The following POLB variants were observed in gnomAD, a reference collection of about 807,000 sequenced individuals.
POLB encodes 5'-dRP lyase.
A neutral mutation model predicts 52.7 loss-of-function variants in POLB; 37 were observed. The ratio of observed to expected loss-of-function variants is 0.70; its 90% confidence interval spans 0.54 to 0.92. The LOEUF (loss-of-function observed/expected upper bound fraction) is 0.92, where lower values mean the gene tolerates loss of function less well. Among genes scored for constraint, POLB ranks in the 40% least tolerant of loss-of-function variants. The pLI, the probability that POLB is intolerant of heterozygous loss-of-function variation, is 0.00. For synonymous variants in POLB, 138 were observed against 131.3 expected, an observed-to-expected ratio of 1.05 and a Z score of -0.35; for missense variants, 313 against 400.8, an observed-to-expected ratio of 0.78 and a Z score of 1.87.
At chr8:42,345,093 T>C in intron 3 of POLB, 74 bp downstream of exon 3, 1 of 922,958 alleles carries the variant, frequency 1.1e-6, no homozygotes, top group South Asian at 1.4e-5. Context: ...AAACCAAACT[T>C]GCCTGTCTGA....
At chr8:42,339,296 C>T (rs566440194) in intron 2 of POLB, 1 of 534,080 alleles carries the variant, frequency 1.9e-6, no homozygotes, top group South Asian at 2.4e-5. Context: ...TAGCCTGATA[C>T]GTATTTTGTC....
chr8:42,354,174 G>A (rs896292706), intron 6 of POLB, among the ~76,000 whole-genome samples: 1 of 152,194 alleles, frequency 6.6e-6, no homozygotes. Context: ...GAATACAACT[G>A]TTGATATCTA....
intron 6 of POLB, among the ~76,000 whole-genome samples, chr8:42,352,845 C>T (rs1358120922): frequency 2.0e-5 from 3 of 152,028 alleles, no homozygotes; most frequent in Non-Finnish European, 2.9e-5. Flanking sequence ...CTTTGGGAGG[C>T]GGGTGGATCA....
At chr8:42,355,123 C>G (rs894920521) in intron 6 of POLB, among the ~76,000 whole-genome samples, 1 of 151,836 alleles carries the variant, frequency 6.6e-6, no homozygotes, top group African/African-American at 2.4e-5. Context: ...ACTGCAGCTT[C>G]CACCTCCCAG....
At chr8:42,349,933 G>A in intron 4 of POLB, 74 bp from the exon 5 acceptor site, 1 of 999,438 alleles carries the variant, frequency 1.0e-6, no homozygotes, top group African/African-American at 1.6e-5. Flanking sequence ...TAGCAGACTG[G>A]TATGTTTCCA....
intron 4 of POLB, 144 bp downstream of exon 4, chr8:42,349,234 T>C: frequency 1.9e-6 from 1 of 537,746 alleles, no homozygotes; most frequent in Non-Finnish European, 3.4e-6. Context: ...CTTTAACTTT[T>C]TGAATGTTAT....
chr8:42,352,881 T>C (rs1001225385), intron 6 of POLB, among the ~76,000 whole-genome samples: 1 of 151,812 alleles, frequency 6.6e-6, no homozygotes, highest in African/African-American at 2.4e-5. Flanking sequence ...TCGAGACCAG[T>C]CTGGCCAACA....
rs181566299 is a variant in POLB at position 42,354,279 on chromosome 8, T to A, written c.371-1237T>A. On this transcript the variant is annotated intron_variant, in intron 6 of 13. Transcript: ENST00000265421. The stretch of plus-strand genomic sequence containing the variant: ...TGTGTGCACATAACCATAGGAAATA[T>A]TAAGTGCTCTATATTTCATAAAGAT... 66 of 362,792 alleles carry A rather than the reference T, an allele frequency of 1.8e-4. No homozygotes were observed. In the East Asian group the frequency reaches 2.6e-3, roughly 14 times the overall value. The allele number at this position is 362,792 out of a possible 1,614,324, so 22.5% of individuals were successfully genotyped here.
At chr8:42,345,564 C>T (rs1822559096) in intron 3 of POLB, among the ~76,000 whole-genome samples, 1 of 152,050 alleles carries the variant, frequency 6.6e-6, no homozygotes, top group Non-Finnish European at 1.5e-5. Context: ...AATATAATAC[C>T]CCTTATCTGA....
At chr8:42,356,486 T>C (rs192418267) in intron 7 of POLB, among the ~76,000 whole-genome samples, 28 of 152,348 alleles carry the variant, frequency 1.8e-4, no homozygotes, top group African/African-American at 6.3e-4. Flanking sequence ...TCAGTGACTT[T>C]TAGTATATTC....
chr8:42,349,206 G>A (rs1487010634), intron 4 of POLB, 116 bp downstream of exon 4: 4 of 600,098 alleles, frequency 6.7e-6, no homozygotes, highest in Admixed American at 6.2e-5. Context: ...CAGGAAATGA[G>A]GTGAGTGAAG....
At chr8:42,370,075 A>G in intron 13 of POLB, 87 bp downstream of exon 13, 1 of 980,278 alleles carries the variant, frequency 1.0e-6, no homozygotes, top group Non-Finnish European at 1.6e-6. Context: ...AAACCTTCTA[A>G]TAACTATGCC....
At chr8:42,347,870 A>G (rs1208572477) in intron 3 of POLB, among the ~76,000 whole-genome samples, 2 of 152,184 alleles carry the variant, frequency 1.3e-5, no homozygotes, top group African/African-American at 4.8e-5. Flanking sequence ...GAGTGAACCT[A>G]GGCCTGAGAG....
intron 12 of POLB, 156 bp downstream of exon 12, chr8:42,369,491 A>G (rs1824246182): frequency 7.1e-6 from 4 of 559,942 alleles, no homozygotes; most frequent in Non-Finnish European, 1.3e-5. Flanking sequence ...TTAGCTCCAA[A>G]GTATGTAAAG....
intron 7 of POLB, 93 bp downstream of exon 7, chr8:42,355,660 G>C: frequency 1.4e-6 from 1 of 722,518 alleles, no homozygotes. Flanking sequence ...TTCAAACTTA[G>C]CTAAACCACA....
At chr8:42,348,972 G>A (rs1822799878) in intron 3 of POLB, 44 bp from the exon 4 acceptor site, 3 of 1,045,062 alleles carry the variant, frequency 2.9e-6, no homozygotes, top group Non-Finnish European at 4.4e-6. Flanking sequence ...GATTTGGTAA[G>A]CATTATATTC....
chr8:42,348,987 G>A (rs772506413), intron 3 of POLB, 29 bp from the exon 4 acceptor site: 1 of 1,309,760 alleles, frequency 7.6e-7, no homozygotes, highest in Non-Finnish European at 1.1e-6. Flanking sequence ...ATATTCATAT[G>A]ACTTTTATAT....
Position 42,369,833 on chromosome 8 carries a change from T to C in POLB, c.774-16T>C. 1 of 1,547,724 alleles carries C rather than the reference T, an allele frequency of 6.5e-7. No individual in the cohort carries two copies. The highest frequency in any genetic ancestry group is 8.7e-7 in the Non-Finnish European group (1 of 1,143,328). On this transcript the variant is annotated splice_polypyrimidine_tract_variant and intron_variant, in intron 12 of 13. Coordinates refer to ENST00000265421, the MANE Select transcript of POLB (RefSeq NM_002690.3). ...ATGCATGGTAAAAAAATGTATCTAC[T>C]GTCCATTTTTTTTAGGTTGATACCC...
At chr8:42,344,882 T>C in intron 2 of POLB, 71 bp from the exon 3 acceptor site, 1 of 866,896 alleles carries the variant, frequency 1.2e-6, no homozygotes, top group Non-Finnish European at 2.0e-6. Context: ...CTTGTATATG[T>C]ATTCCAGTTT....
Sources: gnomAD v4.1 joint callset for allele counts (sites outside exome capture counted in the v4.1 genomes callset) on GRCh38, gnomAD v4.1.1 for gene constraint, MANE v1.5 for transcripts, NCBI Gene and HGNC (gene_info 2026-07-23, HGNC 2026-07-21) for gene names.